IDE: variants seen among roughly 807,000 people sequenced by gnomAD.
The protein encoded by IDE is insulin-degrading enzyme.
In IDE, 58 loss-of-function variants were observed where a neutral mutation model predicts 133.2. The ratio of observed to expected loss-of-function variants is 0.44; its 90% CI spans 0.35 to 0.54. IDE has a LOEUF of 0.54. Ranked by LOEUF, IDE falls within the 20% of genes least tolerant of loss-of-function variation. IDE has a pLI of 0.00. For synonymous variants in IDE, 396 were observed against 421.3 expected (o/e 0.94, Z 0.73); for missense variants, 981 against 1,234.0 (o/e 0.79, Z 3.07).
At position 92,508,775 on chromosome 10, in the gene IDE, A is replaced by G. The variant is rs1210341836; in HGVS notation, c.1013T>C (p.Ile338Thr). 8.1e-6 allele frequency: 13 copies of G among 1,613,990 alleles called. No homozygotes were observed. Among genetic ancestry groups the G allele is most frequent in the East Asian group, 4.5e-5 (2 of 44,900 alleles). Reference protein sequence around the residue: ...SNPGHYLGHLIGHEGPGSLLS... With the variant: ...SNPGHYLGHLTGHEGPGSLLS... Reference sequence around the variant, plus strand: ...CAGACTTCCAGGACCTTCATGCCCAATGAGATGACCAAGATAATGACCAGG... The same window carrying G: ...CAGACTTCCAGGACCTTCATGCCCAGTGAGATGACCAAGATAATGACCAGG... The change falls in exon 7 of 25, where the codon ATT (isoleucine) becomes ACT (threonine). Residue 338 changes from isoleucine to threonine, a missense_variant. Transcript: ENST00000265986.
At chr10:92,546,410 A>G (rs1842535465) in intron 1 of IDE, among the ~76,000 whole-genome samples, 2 of 152,358 alleles carry the variant, frequency 1.3e-5, no homozygotes, top group Non-Finnish European at 2.9e-5. Flanking sequence ...CATAAAACAC[A>G]GTAAAATAAA....
intron 12 of IDE, among the ~76,000 whole-genome samples, chr10:92,489,959 A>T (rs1847244931): frequency 6.6e-6 from 1 of 152,268 alleles, no homozygotes; most frequent in Non-Finnish European, 1.5e-5. Context: ...TAACATTCAC[A>T]AGCAAAATCC....
intron 11 of IDE, among the ~76,000 whole-genome samples, chr10:92,498,495 C>T (rs375095620): frequency 8.5e-5 from 13 of 152,162 alleles, no homozygotes; most frequent in East Asian, 7.7e-4. Context: ...GTGGCTCACA[C>T]CTGTAATCCC....
intron 22 of IDE, among the ~76,000 whole-genome samples, chr10:92,460,870 T>G (rs1845344218): frequency 6.6e-6 from 1 of 152,240 alleles, no homozygotes; most frequent in South Asian, 2.1e-4. Context: ...AGGCACAGTT[T>G]CGCTCTGTCA....
intron 1 of IDE, among the ~76,000 whole-genome samples, chr10:92,543,206 T>C (rs564609493): frequency 1.6e-4 from 25 of 152,270 alleles, no homozygotes; most frequent in Non-Finnish European, 3.4e-4. Context: ...TCAAGGCCTA[T>C]AGCACTCATG....
chr10:92,573,179 G>A (rs1414228145), intron 1 of IDE: 1 of 985,312 alleles, frequency 1.0e-6, no homozygotes, highest in Admixed American at 6.1e-5. Context: ...GCAGATCAAC[G>A]GTGCAGTGGA....
chr10:92,563,451 C>CAAAAAG (rs1843375580), intron 1 of IDE, among the ~76,000 whole-genome samples: 1 of 141,130 alleles, frequency 7.1e-6, no homozygotes, highest in African/African-American at 2.6e-5. Context: ...GACTCTGTCT[C>CAAAAAG]AAAAAGAAAA....
chr10:92,455,524 T>C, intron 24 of IDE, 52 bp downstream of exon 24: 4 of 1,122,076 alleles, frequency 3.6e-6, no homozygotes, highest in Non-Finnish European at 5.3e-6. Flanking sequence ...CTGCTTCTTC[T>C]AAATAGAAAG....
chr10:92,524,434 T>TA (rs1849455811), intron 4 of IDE, among the ~76,000 whole-genome samples: 1 of 50,504 alleles, frequency 2.0e-5, no homozygotes, highest in African/African-American at 8.3e-5. Flanking sequence ...TAATATATTT[T>TA]ATATAATATA....
rs1202875329 is a variant in IDE, at chr10:92,479,346, G to A, written c.1815C>T (p.Asn605=). The A allele has an allele frequency of 3.1e-6, 5 of 1,613,034 alleles. No homozygotes were observed. Among genetic ancestry groups the A allele is most frequent in the South Asian group, 1.1e-5 (1 of 91,062 alleles). The change falls in exon 15 of 25, where the codon AAC becomes AAT. Residue 605 remains asparagine, a synonymous_variant. Coordinates refer to ENST00000265986, the MANE Select transcript of IDE (RefSeq NM_004969.4). ...LYLELLKDSL[N]EYAYAAELAG... Reference sequence around the variant, plus strand: ...CTAGCTCTGCTGCATATGCATACTCGTTGAGTGAGTCTTTGAGGAGCTCAA... The same window carrying A: ...CTAGCTCTGCTGCATATGCATACTCATTGAGTGAGTCTTTGAGGAGCTCAA...
chr10:92,530,962 T>A (rs1272148606), intron 4 of IDE, among the ~76,000 whole-genome samples: 2 of 152,186 alleles, frequency 1.3e-5, no homozygotes, highest in Non-Finnish European at 2.9e-5. Flanking sequence ...AAGCATAAAT[T>A]TCTAAGTACA....
At chr10:92,517,244 T>C (rs1164101027) in intron 4 of IDE, among the ~76,000 whole-genome samples, 2 of 152,214 alleles carry the variant, frequency 1.3e-5, no homozygotes, top group Admixed American at 6.5e-5. Flanking sequence ...TGCACAGTAC[T>C]AAGATTCCTG....
chr10:92,536,480 CCT>C (rs1266575175), intron 2 of IDE, among the ~76,000 whole-genome samples: 2 of 150,892 alleles, frequency 1.3e-5, no homozygotes. Context: ...GGGCAGATCA[CCT>C]GAGGTCAGGA....
At position 92,507,682 on chromosome 10, in the gene IDE, A is replaced by T; in HGVS notation, c.1154-16T>A. ...TCAACATGTACTGGAAAAAAGGGGC[A>T]CACTTAAAAACCATTCAGTCCTTGA... On this transcript the variant is annotated splice_polypyrimidine_tract_variant and intron_variant, in intron 8 of 24. Coordinates refer to ENST00000265986, the MANE Select transcript of IDE (RefSeq NM_004969.4). 1 of 1,322,168 alleles carries T rather than the reference A, an allele frequency of 7.6e-7. No individual in the cohort carries two copies. Among genetic ancestry groups the T allele is most frequent in the Non-Finnish European group, 1.1e-6 (1 of 913,726 alleles). The allele number at this position is 1,322,168 out of a possible 1,614,324, so 81.9% of individuals were successfully genotyped here.
At chr10:92,502,154 TAAAAAG>T (rs940971818) in intron 11 of IDE, among the ~76,000 whole-genome samples, 3 of 151,850 alleles carry the variant, frequency 2.0e-5, no homozygotes, top group South Asian at 2.1e-4. Flanking sequence ...AATAAATGAA[TAAAAAG>T]AAAAAGAAAA....
intron 4 of IDE, among the ~76,000 whole-genome samples, chr10:92,523,464 G>T (rs1849339986): frequency 6.6e-6 from 1 of 151,348 alleles, no homozygotes; most frequent in South Asian, 2.1e-4. Context: ...AGCACTCTGG[G>T]AGGCCAAGGC....
intron 1 of IDE, among the ~76,000 whole-genome samples, chr10:92,563,576 C>A (rs1843382954): frequency 6.6e-6 from 1 of 151,308 alleles, no homozygotes; most frequent in Non-Finnish European, 1.5e-5. Flanking sequence ...CATGGTGAAA[C>A]CCCATCTCTA....
intron 11 of IDE, among the ~76,000 whole-genome samples, chr10:92,491,586 G>A (rs538496532): frequency 1.1e-4 from 17 of 149,472 alleles, no homozygotes; most frequent in South Asian, 1.1e-3. Context: ...ACAGGCACCC[G>A]CCACCACGCC....
intron 15 of IDE, among the ~76,000 whole-genome samples, chr10:92,477,348 T>C (rs556598612): frequency 1.3e-5 from 2 of 151,998 alleles, no homozygotes; most frequent in East Asian, 3.9e-4. Flanking sequence ...AGACAGGGTC[T>C]TGCCATGTTG....
Sources: allele counts gnomAD v4.1 joint callset (sites outside exome capture counted in the v4.1 genomes callset), GRCh38; gene constraint gnomAD v4.1.1; transcripts MANE v1.5; gene names NCBI Gene and HGNC (gene_info 2026-07-23, HGNC 2026-07-21).